Variants in MBD5 observed in about 807,000 individuals in gnomAD.
MBD5 encodes methyl-CpG-binding domain protein 5.
Under a neutral mutation model 117.3 loss-of-function variants are expected in MBD5, and 13 were observed. The ratio of observed to expected loss-of-function variants is 0.11; its 90% CI spans 0.07 to 0.18. MBD5 has a LOEUF of 0.18. Among genes scored for constraint, MBD5 ranks in the 10% least tolerant of loss-of-function variants. The probability of loss-of-function intolerance (pLI) is 1.00; values close to 1 mark genes in which losing one functional copy is unlikely to be tolerated. For missense variants in MBD5, 1,879 were observed against 2,093.8 expected (o/e 0.90, Z 2.00); for synonymous variants, 727 against 766.4 (o/e 0.95, Z 0.85).
chr2:148,458,937 G>C, intron 5 of MBD5, 66 bp downstream of exon 5: 1 of 1,252,708 alleles, frequency 8.0e-7, no homozygotes, highest in Non-Finnish European at 1.2e-6. Context: ...AGAGAACCAA[G>C]CATGGTGACT....
At chr2:148,385,758 C>T (rs1276871536) in intron 4 of MBD5, among the ~76,000 whole-genome samples, 1 of 137,618 alleles carries the variant, frequency 7.3e-6, no homozygotes, top group East Asian at 2.4e-4. Context: ...GGCACATATA[C>T]ACCATGGAAT....
At chr2:148,419,357 A>G (rs911059277) in intron 4 of MBD5, among the ~76,000 whole-genome samples, 2 of 152,174 alleles carry the variant, frequency 1.3e-5, no homozygotes, top group Non-Finnish European at 2.9e-5. Context: ...CATCGTAAAT[A>G]TGACACAAAT....
At chr2:148,199,633 C>G (rs530161704) in intron 2 of MBD5, among the ~76,000 whole-genome samples, 3 of 151,974 alleles carry the variant, frequency 2.0e-5, no homozygotes, top group South Asian at 2.1e-4. Flanking sequence ...GTGGCTTATA[C>G]CTGTGGTCCC....
At chr2:148,420,363 CCT>C (rs1200981637) in intron 4 of MBD5, among the ~76,000 whole-genome samples, 3 of 152,092 alleles carry the variant, frequency 2.0e-5, no homozygotes, top group African/African-American at 4.8e-5. Context: ...CTTTATTACC[CCT>C]CTGTCTTTTG....
intron 4 of MBD5, among the ~76,000 whole-genome samples, chr2:148,434,927 A>C (rs926621279): frequency 3.3e-5 from 5 of 152,080 alleles, no homozygotes; most frequent in African/African-American, 1.2e-4. Flanking sequence ...TGTTTTATGA[A>C]TGTTGGGTGC....
intron 1 of MBD5, among the ~76,000 whole-genome samples, chr2:148,077,348 T>A (rs1031814395): frequency 6.6e-6 from 1 of 152,204 alleles, no homozygotes; most frequent in Non-Finnish European, 1.5e-5. Context: ...ATTTGATTTG[T>A]TGCATAGTTA....
At chr2:148,184,835 G>A (rs1316754459) in intron 2 of MBD5, among the ~76,000 whole-genome samples, 2 of 152,092 alleles carry the variant, frequency 1.3e-5, no homozygotes, top group East Asian at 3.9e-4. Flanking sequence ...AAAGCCCCAG[G>A]CTACTTGAGA....
At chr2:148,353,147 C>G (rs958231423) in intron 4 of MBD5, among the ~76,000 whole-genome samples, 2 of 151,934 alleles carry the variant, frequency 1.3e-5, no homozygotes, top group African/African-American at 2.4e-5. Flanking sequence ...TTTTTGTGTA[C>G]ATTAAAGGTT....
At chr2:148,474,515 T>C (rs1680897899) in intron 8 of MBD5, among the ~76,000 whole-genome samples, 1 of 152,188 alleles carries the variant, frequency 6.6e-6, no homozygotes, top group South Asian at 2.1e-4. Context: ...GACTTTTATG[T>C]TCTCTTATTT....
intron 3 of MBD5, among the ~76,000 whole-genome samples, chr2:148,323,859 T>A (rs528340941): frequency 2.2e-4 from 34 of 152,354 alleles, no homozygotes; most frequent in Non-Finnish European, 2.9e-4. Flanking sequence ...AGATCCCATT[T>A]GTCAATTTTG....
chr2:148,434,880 T>C (rs1259106915), intron 4 of MBD5, among the ~76,000 whole-genome samples: 3 of 152,166 alleles, frequency 2.0e-5, no homozygotes, highest in Non-Finnish European at 2.9e-5. Flanking sequence ...CACCTCTTCA[T>C]AGGTCTCTAA....
intron 2 of MBD5, among the ~76,000 whole-genome samples, chr2:148,185,243 A>G (rs1308165676): frequency 1.3e-5 from 2 of 152,218 alleles, no homozygotes; most frequent in African/African-American, 4.8e-5. Flanking sequence ...CACACTTACC[A>G]GTTCAAAATT....
intron 4 of MBD5, among the ~76,000 whole-genome samples, chr2:148,389,046 G>A (rs1398502924): frequency 6.6e-6 from 1 of 150,518 alleles, no homozygotes; most frequent in Non-Finnish European, 1.5e-5. Flanking sequence ...CCATTGTTGA[G>A]CTCCCACATT....
intron 3 of MBD5, among the ~76,000 whole-genome samples, chr2:148,338,846 A>C (rs1218149252): frequency 2.0e-5 from 3 of 152,188 alleles, no homozygotes; most frequent in Admixed American, 6.6e-5. Context: ...GGCAGAAAAC[A>C]AACACAAACA....
In MBD5 at chr2:148,512,983, A is replaced by G. The variant is rs775316693; in HGVS notation, c.*42A>G. 3 of 1,535,908 alleles carry G rather than the reference A, an allele frequency of 2.0e-6. No individual in the cohort carries two copies. In the Admixed American group the frequency reaches 5.0e-5, roughly 26 times the overall value. On this transcript the variant is annotated 3_prime_UTR_variant, in exon 14 of 14. Coordinates refer to ENST00000642680, the MANE Select transcript of MBD5 (RefSeq NM_001378120.1). Reference sequence around the variant, plus strand: ...AATGCGCAGTGTTTATTAAAGGAACATGCACAGATGTATCTGTATATAGGT... The same window carrying G: ...AATGCGCAGTGTTTATTAAAGGAACGTGCACAGATGTATCTGTATATAGGT...
At chr2:148,366,725 C>T (rs1486132257) in intron 4 of MBD5, among the ~76,000 whole-genome samples, 1 of 152,116 alleles carries the variant, frequency 6.6e-6, no homozygotes, top group Non-Finnish European at 1.5e-5. Flanking sequence ...CTCCCATTTA[C>T]AATTGCTACA....
chr2:148,515,168 T>G lies in MBD5; in HGVS notation c.*2227T>G, dbSNP rs1172988620. ...CAGACAGACATGTGTGTTTGTATGCTGGGTGTGTCTGTATGTGTGTATGTG... is the reference window on the plus strand; with the variant it reads ...CAGACAGACATGTGTGTTTGTATGCGGGGTGTGTCTGTATGTGTGTATGTG... On this transcript the variant is annotated 3_prime_UTR_variant, in exon 14 of 14. Coordinates refer to ENST00000642680, the MANE Select transcript of MBD5 (RefSeq NM_001378120.1). The G allele has an allele frequency of 6.6e-6, 1 of 152,234 alleles. No homozygotes were observed. Among genetic ancestry groups the G allele is most frequent in the African/African-American group, 2.4e-5 (1 of 41,460 alleles). 9.4% of individuals were successfully genotyped at this position (152,234 alleles called of 1,614,324 possible).
chr2:148,063,155 G>A (rs1031631881), intron 1 of MBD5, among the ~76,000 whole-genome samples: 1 of 152,104 alleles, frequency 6.6e-6, no homozygotes, highest in East Asian at 1.9e-4. Context: ...TGAGGTACAT[G>A]TTACTTTTAT....
intron 3 of MBD5, chr2:148,265,046 T>C (rs933739863): frequency 3.5e-5 from 5 of 143,676 alleles, no homozygotes. Flanking sequence ...TTTACACGTA[T>C]GTGTGCATGT....
Sources: gnomAD v4.1 joint callset for allele counts (sites outside exome capture counted in the v4.1 genomes callset) on GRCh38, gnomAD v4.1.1 for gene constraint, MANE v1.5 for transcripts, NCBI Gene and HGNC (gene_info 2026-07-23, HGNC 2026-07-21) for gene names.